The following MYOM1 variants were observed in gnomAD, a reference collection of about 807,000 sequenced individuals.
The protein encoded by MYOM1 is myomesin-1.
In MYOM1, 164 loss-of-function variants were observed where a neutral mutation model predicts 205.3. The observed-to-expected ratio is 0.80, with a 90% confidence interval of 0.70 to 0.91. The LOEUF is 0.91. Among genes scored for constraint, MYOM1 ranks in the 40% least tolerant of loss-of-function variants. The probability of loss-of-function intolerance (pLI) is 0.00; values close to 1 mark genes in which losing one functional copy is unlikely to be tolerated. For missense variants in MYOM1, 2,011 were observed against 2,127.3 expected, an observed-to-expected ratio of 0.95 and a Z score of 1.08; for synonymous variants, 772 against 789.4, an observed-to-expected ratio of 0.98 and a Z score of 0.37.
intron 5 of MYOM1, among the ~76,000 whole-genome samples, chr18:3,180,241 C>T (rs962915936): frequency 1.3e-5 from 2 of 152,198 alleles, no homozygotes; most frequent in African/African-American, 4.8e-5. Context: ...AATACCTTTT[C>T]CCCAGCTAAC....
chr18:3,113,894 TGAG>T (rs2079565316), intron 21 of MYOM1, among the ~76,000 whole-genome samples: 1 of 152,200 alleles, frequency 6.6e-6, no homozygotes, highest in Admixed American at 6.5e-5. Flanking sequence ...TGTATTTAAA[TGAG>T]GTACGTATTA....
At chr18:3,089,482 A>T in intron 28 of MYOM1, 55 bp downstream of exon 28, 1 of 1,315,488 alleles carries the variant, frequency 7.6e-7, no homozygotes, top group Non-Finnish European at 1.1e-6. Flanking sequence ...ATAACCTTGG[A>T]ATCTTTTGTA....
chr18:3,101,335 T>C (rs1472802418), intron 23 of MYOM1, among the ~76,000 whole-genome samples: 2 of 152,198 alleles, frequency 1.3e-5, no homozygotes, highest in East Asian at 3.8e-4. Flanking sequence ...TGGTTGACAC[T>C]ATGAAAATAC....
intron 18 of MYOM1, among the ~76,000 whole-genome samples, chr18:3,128,694 A>G (rs1037502476): frequency 2.0e-5 from 3 of 152,140 alleles, no homozygotes; most frequent in African/African-American, 7.2e-5. Flanking sequence ...CTTTTTATAT[A>G]CTTTTTTCAC....
At chr18:3,093,095 G>A (rs1429223834) in intron 26 of MYOM1, among the ~76,000 whole-genome samples, 3 of 152,090 alleles carry the variant, frequency 2.0e-5, no homozygotes, top group Non-Finnish European at 2.9e-5. Context: ...ACTTGTTCTG[G>A]CCCCACAGCA....
At chr18:3,069,724 G>A (rs2078939358) in intron 37 of MYOM1, among the ~76,000 whole-genome samples, 2 of 148,434 alleles carry the variant, frequency 1.3e-5, no homozygotes, top group South Asian at 2.2e-4. Context: ...AAAAAAATGT[G>A]AAAAAGAAAA....
At chr18:3,091,094 T>A (rs2079219695) in intron 26 of MYOM1, among the ~76,000 whole-genome samples, 1 of 152,036 alleles carries the variant, frequency 6.6e-6, no homozygotes, top group Non-Finnish European at 1.5e-5. Flanking sequence ...GGTGGGCAGA[T>A]CACCTGAGGT....
At chr18:3,197,323 A>T (rs1649414018) in intron 2 of MYOM1, among the ~76,000 whole-genome samples, 1 of 151,948 alleles carries the variant, frequency 6.6e-6, no homozygotes. Flanking sequence ...GTTTTAGTAG[A>T]GACAGAGTTT....
chr18:3,072,603 C>G (rs1206015232), intron 36 of MYOM1, among the ~76,000 whole-genome samples: 1 of 151,996 alleles, frequency 6.6e-6, no homozygotes, highest in Non-Finnish European at 1.5e-5. Flanking sequence ...ATCTGCCCGC[C>G]TCTGCCTCCC....
At chr18:3,072,319 G>A (rs1032274021) in intron 36 of MYOM1, among the ~76,000 whole-genome samples, 6 of 143,042 alleles carry the variant, frequency 4.2e-5, no homozygotes, top group Non-Finnish European at 9.0e-5. Flanking sequence ...AAAATGCTGG[G>A]ATTACAGCAG....
At position 3,149,121 on chromosome 18, in the gene MYOM1, A is replaced by G. The variant is rs369222747; in HGVS notation, c.1900+24T>C. Reference sequence around the variant, plus strand: ...TGCTTAGCAAAACATCAGCAATAGTATCTGGGGCAACCAGACTTCTTACCT... The same window carrying G: ...TGCTTAGCAAAACATCAGCAATAGTGTCTGGGGCAACCAGACTTCTTACCT... On this transcript the variant is annotated intron_variant, in intron 13 of 37. Coordinates refer to ENST00000356443, the MANE Select transcript of MYOM1 (RefSeq NM_003803.4). The G allele has an allele frequency of 7.5e-6, 12 of 1,610,660 alleles. No individual in the cohort carries two copies. In the African/African-American group the frequency reaches 1.5e-4, roughly 20 times the overall value.
Position 3,164,265 on chromosome 18 carries a change from TG to T in MYOM1, c.1501+12del. On this transcript the variant is annotated intron_variant, in intron 10 of 37. Transcript: ENST00000356443. ...AAATATTGTTAGGTGTTTTGTTTTT[TG>T]CTAGGACTTACCTCGAACAAAGACA... 1 of 1,610,784 alleles carries T rather than the reference TG, an allele frequency of 6.2e-7. No homozygotes were observed.
At chr18:3,162,980 CAA>C (rs1281764077) in intron 10 of MYOM1, among the ~76,000 whole-genome samples, 1 of 145,296 alleles carries the variant, frequency 6.9e-6, no homozygotes, top group Non-Finnish European at 1.5e-5. Flanking sequence ...GAGCCGAGAT[CAA>C]GCCACTGCAC....
chr18:3,187,090 C>T (rs745366494), intron 5 of MYOM1, among the ~76,000 whole-genome samples: 4 of 152,172 alleles, frequency 2.6e-5, no homozygotes, highest in African/African-American at 4.8e-5. Flanking sequence ...GGCAGCATTG[C>T]TTCTGATCAC....
chr18:3,158,736 C>A (rs2080338087), intron 10 of MYOM1, among the ~76,000 whole-genome samples: 2 of 152,092 alleles, frequency 1.3e-5, no homozygotes, highest in South Asian at 4.1e-4. Flanking sequence ...TCTTCAGCCT[C>A]CCAAGTAGCT....
chr18:3,118,530 C>T (rs1041029012), intron 20 of MYOM1, among the ~76,000 whole-genome samples: 5 of 152,008 alleles, frequency 3.3e-5, no homozygotes, highest in African/African-American at 1.2e-4. Flanking sequence ...GATGAGGCCT[C>T]ACCACGTTGC....
In MYOM1 at chr18:3,179,494, G is replaced by A. The variant is rs981031828; in HGVS notation, c.930-3360C>T. ...TAAATGCACACGAAGAAAGTAAGTT[G>A]ACAGTCTCAGTTCCCTCAGATGTGA... On this transcript the variant is annotated intron_variant, in intron 5 of 37. Coordinates refer to ENST00000356443, the MANE Select transcript of MYOM1 (RefSeq NM_003803.4). This position sits in a 1 kb window ranked among gnomAD's most constrained non-coding sequence, Gnocchi z 4.4. Among the ~76,000 whole-genome samples, 9 of 152,140 alleles carry A rather than the reference G, an allele frequency of 5.9e-5. No homozygotes were observed. Among genetic ancestry groups the A allele is most frequent in the African/African-American group, 2.2e-4 (9 of 41,430 alleles).
chr18:3,101,387 T>C (rs4797099), intron 23 of MYOM1, among the ~76,000 whole-genome samples: 141,132 of 152,296 alleles, frequency 0.93, 65,408 homozygotes, highest in East Asian at 0.96. Context: ...GTAAAAAGAA[T>C]ACTCAAAATC....
the MYOM1 span, among the ~76,000 whole-genome samples, chr18:3,240,225 T>G: frequency 6.6e-6 from 1 of 152,212 alleles, no homozygotes; most frequent in South Asian, 2.1e-4. Context: ...CAAAACAGCT[T>G]AGATATCAGG....
Sources: gnomAD v4.1 joint callset for allele counts (sites outside exome capture counted in the v4.1 genomes callset) on GRCh38, gnomAD v4.1.1 for gene constraint, Gnocchi (gnomAD v3.1) non-coding constraint, MANE v1.5 for transcripts, NCBI Gene and HGNC (gene_info 2026-07-23, HGNC 2026-07-21) for gene names.